Variants in TUSC3 observed in about 807,000 individuals in gnomAD.
The protein encoded by TUSC3 is tumor suppressor candidate 3.
A neutral mutation model predicts 44.8 loss-of-function variants in TUSC3; 45 were observed. That is an observed-to-expected ratio of 1.00 (90% CI 0.79 to 1.29). TUSC3 has a LOEUF of 1.29. Among genes scored for constraint, TUSC3 ranks in the 50% most tolerant of loss-of-function variants. TUSC3 has a pLI of 0.00. For synonymous variants in TUSC3, 212 were observed against 152.9 expected (o/e 1.39, Z -2.85); for missense variants, 519 against 437.9 (o/e 1.19, Z -1.65).
At chr8:15,660,215 G>C (rs1388660627) in intron 4 of TUSC3, among the ~76,000 whole-genome samples, 4 of 151,656 alleles carry the variant, frequency 2.6e-5, no homozygotes, top group African/African-American at 9.7e-5. Context: ...ATTTTATTGG[G>C]AAAAATTGAA....
intron 6 of TUSC3, among the ~76,000 whole-genome samples, chr8:15,694,869 AGGTGGCAGTGAGATTC>A: frequency 6.6e-6 from 1 of 152,190 alleles, no homozygotes; most frequent in Non-Finnish European, 1.5e-5. Flanking sequence ...CTTCATAGGA[AGGTGGCAGTGAGATTC>A]GTGCTGGTTC....
chr8:15,549,961 A>G (rs1802002389), intron 1 of TUSC3, among the ~76,000 whole-genome samples: 1 of 151,636 alleles, frequency 6.6e-6, no homozygotes, highest in Non-Finnish European at 1.5e-5. Context: ...CGAGTGGGCA[A>G]TTCCTGTCAC....
chr8:15,840,648 G>T, the TUSC3 span, among the ~76,000 whole-genome samples: 1 of 152,050 alleles, frequency 6.6e-6, no homozygotes. Context: ...TTATAATCTG[G>T]TATGAAAAAA....
intron 6 of TUSC3, among the ~76,000 whole-genome samples, chr8:15,710,898 TA>T (rs1475968118): frequency 6.7e-6 from 1 of 149,000 alleles, no homozygotes; most frequent in Non-Finnish European, 1.5e-5. Flanking sequence ...TATATATATA[TA>T]AAACCAGCAC....
the TUSC3 span, among the ~76,000 whole-genome samples, chr8:15,782,429 T>C: frequency 2.6e-5 from 4 of 152,040 alleles, no homozygotes; most frequent in African/African-American, 4.8e-5. Flanking sequence ...CAGTGAGCTA[T>C]AAATGCACCA....
At chr8:15,441,281 GC>G (rs1314868276) in intron 1 of TUSC3, among the ~76,000 whole-genome samples, 1 of 151,974 alleles carries the variant, frequency 6.6e-6, no homozygotes, top group African/African-American at 2.4e-5. Flanking sequence ...GTGGCACGTG[GC>G]TGTAATCCCA....
the TUSC3 span, chr8:15,806,081 T>A: frequency 3.3e-6 from 1 of 299,924 alleles, no homozygotes; most frequent in Non-Finnish European, 6.6e-6. Flanking sequence ...TGTTAAAAGG[T>A]TCAACAAAGC....
the TUSC3 span, among the ~76,000 whole-genome samples, chr8:15,829,021 C>T: frequency 6.6e-6 from 1 of 152,148 alleles, no homozygotes; most frequent in Non-Finnish European, 1.5e-5. Flanking sequence ...CCAATCTCCC[C>T]ACTCATGCTG....
chr8:15,523,232 C>G (rs1402911997), intron 2 of TUSC3, among the ~76,000 whole-genome samples: 1 of 152,080 alleles, frequency 6.6e-6, no homozygotes, highest in Non-Finnish European at 1.5e-5. Flanking sequence ...AGGTATTGCC[C>G]AATGCATCTG....
intron 1 of TUSC3, among the ~76,000 whole-genome samples, chr8:15,418,122 G>A (rs1038220103): frequency 6.6e-6 from 1 of 152,164 alleles, no homozygotes; most frequent in African/African-American, 2.4e-5. Context: ...TTAGTAACAA[G>A]CACAATAAAT....
At chr8:15,463,241 A>G (rs1395317300) in intron 1 of TUSC3, among the ~76,000 whole-genome samples, 1 of 152,132 alleles carries the variant, frequency 6.6e-6, no homozygotes, top group Non-Finnish European at 1.5e-5. Flanking sequence ...CATGAATTTT[A>G]AATAACTTTA....
At chr8:15,749,396 C>G (rs534793166) in intron 9 of TUSC3, among the ~76,000 whole-genome samples, 2 of 152,080 alleles carry the variant, frequency 1.3e-5, no homozygotes, top group Non-Finnish European at 2.9e-5. Flanking sequence ...GGAGATCTGA[C>G]TTTGGGATTA....
At chr8:15,586,154 A>T (rs572864400) in intron 1 of TUSC3, among the ~76,000 whole-genome samples, 38 of 152,300 alleles carry the variant, frequency 2.5e-4, no homozygotes, top group African/African-American at 9.1e-4. Flanking sequence ...GTATCCATAT[A>T]TTTGCCTGTT....
chr8:15,756,128 G>T (rs371661489), intron 9 of TUSC3, among the ~76,000 whole-genome samples: 1 of 152,148 alleles, frequency 6.6e-6, no homozygotes, highest in Admixed American at 6.6e-5. Flanking sequence ...CAAGGTTGGG[G>T]TTTAATTCTG....
At chr8:15,833,405 A>G in the TUSC3 span, among the ~76,000 whole-genome samples, 1 of 152,176 alleles carries the variant, frequency 6.6e-6, no homozygotes, top group East Asian at 1.9e-4. Context: ...AGACACATAC[A>G]CACATACGTT....
rs574537815 is a variant in TUSC3 at position 15,693,182 on chromosome 8, T to A, written c.798+19346T>A. 2.0e-5 allele frequency among the ~76,000 whole-genome samples: 3 copies of A among 152,332 alleles called. No homozygotes were observed. The South Asian group carries it at 6.2e-4, about 32-fold the overall frequency. On this transcript the variant is annotated intron_variant, in intron 6 of 10. Transcript: ENST00000503731. ...CAAGGTTGATACTGATATGTATGGATTTGATCCTGTCATCCTACTGTTAGC... is the reference window on the plus strand; with the variant it reads ...CAAGGTTGATACTGATATGTATGGAATTGATCCTGTCATCCTACTGTTAGC...
At chr8:15,501,529 T>C (rs1194972263) in intron 2 of TUSC3, among the ~76,000 whole-genome samples, 1 of 152,226 alleles carries the variant, frequency 6.6e-6, no homozygotes, top group African/African-American at 2.4e-5. Flanking sequence ...TTATTGAATC[T>C]GGAATCATGG....
At chr8:15,801,917 A>T in the TUSC3 span, among the ~76,000 whole-genome samples, 24 of 152,210 alleles carry the variant, frequency 1.6e-4, no homozygotes, top group Non-Finnish European at 2.9e-4. Context: ...ATCCTGGTGA[A>T]AAGGCATGAA....
At chr8:15,809,161 G>A in the TUSC3 span, among the ~76,000 whole-genome samples, 1 of 152,148 alleles carries the variant, frequency 6.6e-6, no homozygotes, top group African/African-American at 2.4e-5. Context: ...ACGGCAGGAG[G>A]AAGATGGAGG....
Sources: allele counts gnomAD v4.1 joint callset (sites outside exome capture counted in the v4.1 genomes callset), GRCh38; gene constraint gnomAD v4.1.1; transcripts MANE v1.5; gene names NCBI Gene and HGNC (gene_info 2026-07-23, HGNC 2026-07-21).